Variants in MYO15B observed in about 807,000 individuals in gnomAD.
The protein encoded by MYO15B is myosin XVB pseudogene.
Under a neutral mutation model 119.3 loss-of-function variants are expected in MYO15B, and 207 were observed. The ratio of observed to expected loss-of-function variants is 1.73; its 90% CI spans 1.55 to 1.95. MYO15B has a LOEUF of 1.95. Ranked by LOEUF, MYO15B falls within the 30% of genes most tolerant of loss-of-function variation. The pLI is 0.00. For missense variants in MYO15B, 2,264 were observed against 1,203.1 expected (o/e 1.88, Z -13.04); for synonymous variants, 966 against 498.9 (o/e 1.94, Z -12.48).
chr17:75,604,959 G>A (rs1354478850), intron 19 of MYO15B, among the ~76,000 whole-genome samples: 2 of 150,654 alleles, frequency 1.3e-5, no homozygotes, highest in Admixed American at 1.3e-4. Flanking sequence ...CCAATATAGA[G>A]AAACCCCGTC....
intron 9 of MYO15B, among the ~76,000 whole-genome samples, chr17:75,593,780 G>A (rs2147742039): frequency 6.6e-6 from 1 of 152,152 alleles, no homozygotes; most frequent in South Asian, 2.1e-4. Flanking sequence ...TTAGCCAGGT[G>A]TGGTGGCACA....
At chr17:75,594,482 C>T (rs938011724) in exon 10 of MYO15B, 15 of 605,350 alleles carry the variant, frequency 2.5e-5, no homozygotes, top group Non-Finnish European at 4.4e-5. Context: ...TAGCGAGAGT[C>T]CCAGGAGGTG....
At chr17:75,599,560 C>T (rs1218400055) in intron 14 of MYO15B, among the ~76,000 whole-genome samples, 1 of 151,974 alleles carries the variant, frequency 6.6e-6, no homozygotes, top group African/African-American at 2.4e-5. Context: ...GCTGGGATTA[C>T]AGGCACAAGC....
chr17:75,601,623 TGA>T (rs2057292509), intron 15 of MYO15B, 60 bp downstream of exon 15: 1 of 681,518 alleles, frequency 1.5e-6, no homozygotes, highest in East Asian at 2.7e-5. Flanking sequence ...CCTCCCAAGC[TGA>T]GTCACCCGAC....
At position 75,592,219 on chromosome 17, in the gene MYO15B, C is replaced by T. The variant is rs930308890; in HGVS notation, c.2652-19C>T. ...TGTTCTGCATCCTGGGCACTCACAC[C>T]CATCTTCTGTGCCCACAGAGGGGTC... On this transcript the variant is annotated intron_variant, in intron 6 of 63. Coordinates refer to ENST00000645453, the Ensembl canonical transcript of MYO15B. 4.3e-6 allele frequency: 3 copies of T among 702,482 alleles called. No homozygotes were observed. The highest frequency in any genetic ancestry group is 1.7e-5 in the African/African-American group (1 of 57,220). 43.5% of individuals were successfully genotyped at this position (702,482 alleles called of 1,614,324 possible). A position where few individuals can be genotyped will look rare whatever the true frequency, so the allele number is the denominator to read the frequency against.
chr17:75,624,629 CAA>C lies in MYO15B; in HGVS notation c.8534_8535del (p.Lys2845ArgfsTer41), dbSNP rs2058914809. ...TGCAGGAATTCGCCCTCTTCCTCAT[CAA>C]AGAGAAGAGTAAGCTTGGGGACGGA... is the stretch of plus-strand genomic sequence containing the variant. On this transcript the variant is annotated frameshift_variant, in exon 58 of 64. Coordinates refer to ENST00000645453, the Ensembl canonical transcript of MYO15B. LOFTEE classifies it high-confidence loss of function. The C allele has an allele frequency of 4.3e-6, 3 of 702,926 alleles. No individual in the cohort carries two copies. Among genetic ancestry groups the C allele is most frequent in the South Asian group, 3.0e-5 (2 of 67,590 alleles). 43.5% of individuals were successfully genotyped at this position (702,926 alleles called of 1,614,324 possible).
intron 9 of MYO15B, among the ~76,000 whole-genome samples, chr17:75,593,228 C>T (rs761838879): frequency 7.8e-5 from 10 of 128,514 alleles, no homozygotes; most frequent in African/African-American, 2.6e-4. Context: ...AAAGGGTTGG[C>T]GGTGGTGGCT....
chr17:75,596,451 T>A lies in MYO15B; in HGVS notation c.3298-9T>A. 1.4e-6 allele frequency: 1 copy of A among 702,976 alleles called. No homozygotes were observed. The highest frequency in any genetic ancestry group is 2.7e-5 in the East Asian group (1 of 37,280). The allele number at this position is 702,976 out of a possible 1,614,324, so 43.5% of individuals were successfully genotyped here. On this transcript the variant is annotated splice_polypyrimidine_tract_variant and intron_variant, in intron 12 of 63. Coordinates refer to ENST00000645453, the Ensembl canonical transcript of MYO15B. ...CCCATGTGCCCACCTCACTGCCACA[T>A]GCCCCCAGGCCCTGCGGGTGAATGG...
intron 43 of MYO15B, 108 bp downstream of exon 43, chr17:75,618,293 G>A (rs1211102389): frequency 6.0e-6 from 4 of 669,018 alleles, no homozygotes; most frequent in Non-Finnish European, 1.1e-5. Flanking sequence ...CATGTTGGCA[G>A]CCAGCACTGG....
intron 39 of MYO15B, 23 bp downstream of exon 39, chr17:75,616,808 C>T (rs554867289): frequency 7.8e-5 from 55 of 703,058 alleles, no homozygotes; most frequent in Non-Finnish European, 1.3e-4. Context: ...GGGGAGGTGG[C>T]CAGGGCTGTC....
intron 12 of MYO15B, among the ~76,000 whole-genome samples, chr17:75,595,791 T>C (rs999674798): frequency 3.3e-5 from 5 of 152,188 alleles, no homozygotes; most frequent in African/African-American, 1.2e-4. Flanking sequence ...AGTCCCCCAG[T>C]CTCTCTCAGT....
Position 75,589,391 on chromosome 17 carries a change from G to T in MYO15B, c.1334G>T (p.Gly445Val). ...CGAGGGGACGAGGGTCGGGGCCGCG[G>T]GAAAGCGGACGAAGGGCGGGGCCAC... Residue 445 changes from glycine (G) to valine (V), a missense_variant, in exon 1 of 64, where the codon GGG becomes GTG. By Grantham distance (109) the Gly-to-Val change is moderately radical. Transcript: ENST00000645453. This position sits in a 1 kb window ranked among gnomAD's most constrained non-coding sequence, Gnocchi z 4.2. The T allele has an allele frequency of 2.6e-6, 1 of 381,582 alleles. No homozygotes were observed. Among genetic ancestry groups the T allele is most frequent in the Admixed American group, 5.1e-5 (1 of 19,474 alleles). The allele number at this position is 381,582 out of a possible 1,614,324, so 23.6% of individuals were successfully genotyped here. A position where few individuals can be genotyped will look rare whatever the true frequency, so the allele number is the denominator to read the frequency against.
exon 51 of MYO15B, chr17:75,621,366 T>G (rs760084868): frequency 1.4e-6 from 1 of 700,782 alleles, no homozygotes; most frequent in South Asian, 1.5e-5. Context: ...CTGATGGAGG[T>G]GCCGCAGGAA....
At chr17:75,622,140 G>C in intron 53 of MYO15B, 60 bp downstream of exon 53, 1 of 695,314 alleles carries the variant, frequency 1.4e-6, no homozygotes, top group Non-Finnish European at 2.6e-6. Flanking sequence ...GGGCCTGAAG[G>C]AGATCCCCTT....
chr17:75,598,098 A>G (rs1203414425), intron 14 of MYO15B, among the ~76,000 whole-genome samples: 1 of 151,850 alleles, frequency 6.6e-6, no homozygotes, highest in Non-Finnish European at 1.5e-5. Flanking sequence ...GTGATCCTGA[A>G]TATGGGGCAA....
At chr17:75,598,258 C>G (rs1598743975) in intron 14 of MYO15B, among the ~76,000 whole-genome samples, 1 of 121,946 alleles carries the variant, frequency 8.2e-6, no homozygotes, top group Non-Finnish European at 1.8e-5. Context: ...CAGAGCAAGA[C>G]TCCGTCTCAA....
At chr17:75,595,047 C>A (rs2056762535) in intron 12 of MYO15B, 75 bp downstream of exon 12, 2 of 679,198 alleles carry the variant, frequency 2.9e-6, no homozygotes, top group Admixed American at 4.2e-5. Flanking sequence ...CCCCACAGCT[C>A]CAGCTCTCCC....
At chr17:75,625,870 G>A (rs564610579) in exon 62 of MYO15B, 94 of 702,984 alleles carry the variant, frequency 1.3e-4, no homozygotes, top group African/African-American at 6.3e-4. Context: ...GCCCCTCTTC[G>A]GCTACACCGT....
intron 12 of MYO15B, among the ~76,000 whole-genome samples, chr17:75,595,953 G>A (rs1298199171): frequency 1.3e-5 from 2 of 152,236 alleles, no homozygotes; most frequent in African/African-American, 2.4e-5. Flanking sequence ...GTGTGTCCTT[G>A]TGACCGTGCC....
Sources: allele counts gnomAD v4.1 joint callset (sites outside exome capture counted in the v4.1 genomes callset), GRCh38; gene constraint gnomAD v4.1.1; non-coding constraint Gnocchi (gnomAD v3.1); transcripts MANE v1.5; gene names NCBI Gene and HGNC (gene_info 2026-07-23, HGNC 2026-07-21).